Variants in GRID2 observed in about 807,000 individuals in gnomAD.
GRID2 encodes glutamate ionotropic receptor delta type subunit 2.
In GRID2, 33 loss-of-function variants were observed where a neutral mutation model predicts 114.8. The observed-to-expected ratio is 0.29, with a 90% CI of 0.22 to 0.38. The LOEUF (loss-of-function observed/expected upper bound fraction) is 0.38. Among genes scored for constraint, GRID2 ranks in the 10% least tolerant of loss-of-function variants. The pLI is 1.00. For missense variants in GRID2, 1,184 were observed against 1,257.7 expected (o/e 0.94, Z 0.89); for synonymous variants, 505 against 449.9 (o/e 1.12, Z -1.55).
chr4:93,746,225 G>C (rs775523101), intron 14 of GRID2, among the ~76,000 whole-genome samples: 7 of 152,068 alleles, frequency 4.6e-5, no homozygotes, highest in African/African-American at 1.7e-4. Context: ...AGAAATAAGT[G>C]TTGTGTAACC....
intron 2 of GRID2, among the ~76,000 whole-genome samples, chr4:92,619,173 C>A (rs1730151048): frequency 6.6e-6 from 1 of 151,592 alleles, no homozygotes; most frequent in Non-Finnish European, 1.5e-5. Flanking sequence ...CCACTCTTTG[C>A]TGATAGGTCA....
At chr4:92,871,817 G>A (rs1352396710) in intron 2 of GRID2, among the ~76,000 whole-genome samples, 1 of 152,144 alleles carries the variant, frequency 6.6e-6, no homozygotes, top group Non-Finnish European at 1.5e-5. Flanking sequence ...AAAGAATATT[G>A]TCTAATGTTT....
intron 14 of GRID2, among the ~76,000 whole-genome samples, chr4:93,737,818 G>A (rs1360442972): frequency 6.6e-6 from 1 of 152,060 alleles, no homozygotes; most frequent in Non-Finnish European, 1.5e-5. Context: ...AACCACTAGT[G>A]TGCTCACACC....
intron 2 of GRID2, among the ~76,000 whole-genome samples, chr4:92,728,399 G>T (rs1330308978): frequency 1.3e-5 from 2 of 152,028 alleles, no homozygotes; most frequent in Non-Finnish European, 2.9e-5. Context: ...TCATCTGAAG[G>T]TTTCACAGGG....
chr4:93,370,287 GCTT>G (rs778663389), intron 8 of GRID2, among the ~76,000 whole-genome samples: 4 of 152,038 alleles, frequency 2.6e-5, no homozygotes, highest in East Asian at 3.9e-4. Context: ...AGCATGCAAT[GCTT>G]CTTCTTAAAT....
intron 8 of GRID2, among the ~76,000 whole-genome samples, chr4:93,360,876 A>T (rs1560538379): frequency 1.3e-5 from 2 of 151,522 alleles, no homozygotes; most frequent in African/African-American, 2.4e-5. Context: ...TTTTTTCTGT[A>T]CTTCTCTTTG....
At chr4:93,646,048 T>G (rs1349024887) in intron 14 of GRID2, among the ~76,000 whole-genome samples, 1 of 152,188 alleles carries the variant, frequency 6.6e-6, no homozygotes, top group Non-Finnish European at 1.5e-5. Context: ...ATTGAGCAGT[T>G]ACTTAGTGCT....
At chr4:92,563,800 T>A (rs1418777592) in intron 1 of GRID2, among the ~76,000 whole-genome samples, 1 of 152,110 alleles carries the variant, frequency 6.6e-6, no homozygotes, top group Non-Finnish European at 1.5e-5. Context: ...AGTTCCAACC[T>A]ACTCAGTTAC....
intron 1 of GRID2, among the ~76,000 whole-genome samples, chr4:93,782,237 A>G (rs1483509478): frequency 2.0e-5 from 3 of 152,132 alleles, no homozygotes; most frequent in African/African-American, 7.2e-5. Context: ...TAGACTCACT[A>G]GAACCAGGCA....
At chr4:93,120,046 A>G (rs190748345) in intron 4 of GRID2, among the ~76,000 whole-genome samples, 1 of 152,228 alleles carries the variant, frequency 6.6e-6, no homozygotes, top group Non-Finnish European at 1.5e-5. Flanking sequence ...CCACAGTGTG[A>G]TACCATCTCA....
At chr4:93,126,248 A>T (rs144723587) in intron 4 of GRID2, among the ~76,000 whole-genome samples, 2 of 152,000 alleles carry the variant, frequency 1.3e-5, no homozygotes, top group South Asian at 2.1e-4. Context: ...ATAATTTTTA[A>T]TTTTTTTTCA....
intron 2 of GRID2, among the ~76,000 whole-genome samples, chr4:92,665,378 T>C (rs2149272018): frequency 6.6e-6 from 1 of 151,382 alleles, no homozygotes; most frequent in African/African-American, 2.4e-5. Flanking sequence ...ACATTTTATG[T>C]ATTATGTGTC....
chr4:92,524,407 CTTTTTTTTTTTT>C (rs869060153), intron 1 of GRID2, among the ~76,000 whole-genome samples: 25 of 106,564 alleles, frequency 2.3e-4, no homozygotes, highest in South Asian at 5.8e-4. Context: ...ATTTCCTTGT[CTTTTTTTTTTTT>C]TTTTTTTTTT....
chr4:92,580,033 TTCA>T (rs1488817122), intron 1 of GRID2, among the ~76,000 whole-genome samples: 2 of 148,050 alleles, frequency 1.4e-5, no homozygotes, highest in Admixed American at 1.4e-4. Flanking sequence ...CTCAGTTAAT[TTCA>T]TCATATCTAC....
At chr4:92,563,059 T>G (rs1039271322) in intron 1 of GRID2, among the ~76,000 whole-genome samples, 8 of 152,166 alleles carry the variant, frequency 5.3e-5, no homozygotes, top group Non-Finnish European at 1.0e-4. Context: ...TCCCATGACT[T>G]TGAGACTGCC....
At chr4:92,687,031 A>G (rs1376076686) in intron 2 of GRID2, among the ~76,000 whole-genome samples, 1 of 152,128 alleles carries the variant, frequency 6.6e-6, no homozygotes, top group Non-Finnish European at 1.5e-5. Context: ...ATTTCATGTA[A>G]GGCTGATATC....
intron 13 of GRID2, among the ~76,000 whole-genome samples, chr4:93,573,036 A>G (rs575843516): frequency 6.6e-6 from 1 of 152,270 alleles, no homozygotes; most frequent in South Asian, 2.1e-4. Flanking sequence ...CCTGAAGTAT[A>G]TCATGTACCT....
intron 8 of GRID2, among the ~76,000 whole-genome samples, chr4:93,303,761 A>G (rs1161475430): frequency 6.6e-6 from 1 of 152,076 alleles, no homozygotes; most frequent in East Asian, 1.9e-4. Flanking sequence ...CCATCCATCC[A>G]TCTAAACTTA....
At chr4:93,706,656 A>G (rs1728026034) in intron 14 of GRID2, among the ~76,000 whole-genome samples, 2 of 152,204 alleles carry the variant, frequency 1.3e-5, no homozygotes, top group South Asian at 4.1e-4. Flanking sequence ...TATCATCTGT[A>G]AAAAAAGGAT....
Sources: gnomAD v4.1 joint callset for allele counts (sites outside exome capture counted in the v4.1 genomes callset) on GRCh38, gnomAD v4.1.1 for gene constraint, MANE v1.5 for transcripts, NCBI Gene and HGNC (gene_info 2026-07-23, HGNC 2026-07-21) for gene names.